The following MAN1C1 variants were observed in gnomAD, a reference collection of about 807,000 sequenced individuals.
MAN1C1 encodes the protein mannosyl-oligosaccharide 1,2-alpha-mannosidase IC.
MAN1C1 carries 49 observed loss-of-function variants against 71.5 expected under a neutral mutation model. That is an observed-to-expected ratio of 0.69 (90% CI 0.54 to 0.87). MAN1C1 has a LOEUF of 0.87. Ranked by LOEUF, MAN1C1 falls within the 40% of genes least tolerant of loss-of-function variation. MAN1C1 has a pLI of 0.00. For missense variants in MAN1C1, 743 were observed against 835.0 expected, an observed-to-expected ratio of 0.89 and a Z score of 1.36; for synonymous variants, 352 against 343.7, an observed-to-expected ratio of 1.02 and a Z score of -0.27.
At chr1:25,744,036 G>A (rs2047095530) in intron 2 of MAN1C1, among the ~76,000 whole-genome samples, 1 of 152,206 alleles carries the variant, frequency 6.6e-6, no homozygotes, top group Admixed American at 6.5e-5. Context: ...CCTCTCTGAG[G>A]TCTTCATCTA....
intron 2 of MAN1C1, among the ~76,000 whole-genome samples, chr1:25,719,185 G>C (rs1294339565): frequency 6.7e-6 from 1 of 149,580 alleles, no homozygotes; most frequent in Non-Finnish European, 1.5e-5. Flanking sequence ...TTATTCTCTT[G>C]CCTCAGCCTC....
At chr1:25,693,558 G>A (rs2786868) in intron 2 of MAN1C1, among the ~76,000 whole-genome samples, 2 of 152,196 alleles carry the variant, frequency 1.3e-5, no homozygotes, top group African/African-American at 4.8e-5. Context: ...TTGAACCTGG[G>A]AGGTGGAGAT....
chr1:25,739,179 G>A (rs147127689), intron 2 of MAN1C1, among the ~76,000 whole-genome samples: 56 of 152,208 alleles, frequency 3.7e-4, no homozygotes, highest in Non-Finnish European at 5.3e-4. Flanking sequence ...GCTTCATTCC[G>A]TTGGTCCAGA....
chr1:25,641,722 C>T (rs1271348451), intron 1 of MAN1C1, among the ~76,000 whole-genome samples: 1 of 152,114 alleles, frequency 6.6e-6, no homozygotes, highest in Non-Finnish European at 1.5e-5. Flanking sequence ...CTGTAGTTCC[C>T]TTTGACCCAC....
intron 2 of MAN1C1, among the ~76,000 whole-genome samples, chr1:25,727,890 C>T (rs1015222013): frequency 2.6e-5 from 4 of 152,230 alleles, no homozygotes; most frequent in South Asian, 2.1e-4. Flanking sequence ...AGCAGGAGAG[C>T]GTGGGGGCCG....
At chr1:25,651,744 G>A (rs1321197778) in intron 1 of MAN1C1, among the ~76,000 whole-genome samples, 2 of 152,158 alleles carry the variant, frequency 1.3e-5, no homozygotes, top group Non-Finnish European at 2.9e-5. Context: ...TATGACCTGA[G>A]GTTAAATGTC....
At chr1:25,642,147 G>A (rs2124760887) in intron 1 of MAN1C1, among the ~76,000 whole-genome samples, 1 of 152,246 alleles carries the variant, frequency 6.6e-6, no homozygotes, top group African/African-American at 2.4e-5. Flanking sequence ...TGCTTGTCCC[G>A]AAGTCGATTT....
At chr1:25,650,822 A>G (rs1348317572) in intron 1 of MAN1C1, among the ~76,000 whole-genome samples, 1 of 152,232 alleles carries the variant, frequency 6.6e-6, no homozygotes, top group Non-Finnish European at 1.5e-5. Flanking sequence ...AGGAGAATAA[A>G]GGAGACTTGG....
chr1:25,660,396 C>CCTTT lies in MAN1C1; in HGVS notation c.541-26044_541-26043insCTTT, dbSNP rs1389255801. 1.1e-3 allele frequency among the ~76,000 whole-genome samples: 112 copies of CCTTT among 97,630 alleles called. 1 individual carries two copies. Among genetic ancestry groups the CCTTT allele is most frequent in the African/African-American group, 5.3e-3 (109 of 20,706 alleles). 64.0% of individuals were successfully genotyped at this position (97,630 alleles called of 152,430 possible). Reference sequence around the variant, plus strand: ...AGCTTGGGCAACAAGAGTGAAATTCCTTTTTTTTTTTTTTTTTTTTTTTTT... The same window carrying CCTTT: ...AGCTTGGGCAACAAGAGTGAAATTCCCTTTTTTTTTTTTTTTTTTTTTTTTTTTT... On this transcript the variant is annotated intron_variant, in intron 1 of 11. Transcript: ENST00000374332.
At chr1:25,704,726 A>G (rs12083778) in intron 2 of MAN1C1, among the ~76,000 whole-genome samples, 4,126 of 152,280 alleles carry the variant, frequency 0.027, 194 homozygotes, top group African/African-American at 0.092. Context: ...TGTGCCCCCA[A>G]ATTTTCTCAT....
At chr1:25,694,105 G>A (rs997503051) in intron 2 of MAN1C1, among the ~76,000 whole-genome samples, 1 of 152,194 alleles carries the variant, frequency 6.6e-6, no homozygotes, top group Non-Finnish European at 1.5e-5. Flanking sequence ...CAGTCTCTGA[G>A]TGCCCTATTT....
rs1464382461 is a variant in MAN1C1, at chr1:25,746,814, G to A, written c.753+31G>A. The A allele has an allele frequency of 6.3e-6, 7 of 1,119,738 alleles. No homozygotes were observed. The highest frequency in any genetic ancestry group is 2.0e-5 in the Admixed American group (1 of 49,458). 69.4% of individuals were successfully genotyped at this position (1,119,738 alleles called of 1,614,324 possible). On this transcript the variant is annotated intron_variant, in intron 3 of 11. Coordinates refer to ENST00000374332, the MANE Select transcript of MAN1C1 (RefSeq NM_020379.4). The surrounding 1 kb of genome is among the most constrained non-coding windows in gnomAD (Gnocchi z 4.0). ...TCAGAGGCCCTCGGCGGGGGAGGGG[G>A]GCGGGGGCCAGAAGAGGCCCAACAG...
chr1:25,691,430 C>T (rs751023443), intron 2 of MAN1C1, among the ~76,000 whole-genome samples: 23 of 152,220 alleles, frequency 1.5e-4, no homozygotes, highest in South Asian at 1.2e-3. Flanking sequence ...CTCTGGGCCT[C>T]AGTTTTCCCA....
chr1:25,695,722 G>A (rs2046361363), intron 2 of MAN1C1, among the ~76,000 whole-genome samples: 1 of 152,224 alleles, frequency 6.6e-6, no homozygotes, highest in Non-Finnish European at 1.5e-5. Flanking sequence ...CACTAGCACA[G>A]AGCATAATTT....
intron 1 of MAN1C1, among the ~76,000 whole-genome samples, chr1:25,676,722 T>C (rs1034615538): frequency 6.6e-6 from 1 of 152,236 alleles, no homozygotes; most frequent in African/African-American, 2.4e-5. Flanking sequence ...CTTTAATGAC[T>C]GGGAAAATCC....
chr1:25,681,304 T>TG (rs1421687529), intron 1 of MAN1C1, among the ~76,000 whole-genome samples: 1 of 151,890 alleles, frequency 6.6e-6, no homozygotes, highest in Non-Finnish European at 1.5e-5. Flanking sequence ...AAACAGTGGA[T>TG]GGGGACAACC....
At chr1:25,726,149 G>A (rs1363727190) in intron 2 of MAN1C1, among the ~76,000 whole-genome samples, 2 of 152,184 alleles carry the variant, frequency 1.3e-5, no homozygotes, top group Admixed American at 6.5e-5. Context: ...GTGGTCTCTG[G>A]TTTGCTTGGA....
In MAN1C1 at chr1:25,660,396, CTTTTTTTTT is replaced by C. The variant is rs1178878513; in HGVS notation, c.541-26024_541-26016del. On this transcript the variant is annotated intron_variant, in intron 1 of 11. Transcript: ENST00000374332. ...AGCTTGGGCAACAAGAGTGAAATTC[CTTTTTTTTT>C]TTTTTTTTTTTTTTTTTTTGAGTGT... Among the ~76,000 whole-genome samples the C allele has an allele frequency of 3.5e-4, 34 of 97,630 alleles. 1 individual carries two copies. Among genetic ancestry groups the C allele is most frequent in the Non-Finnish European group, 4.3e-4 (22 of 51,330 alleles). The allele number at this position is 97,630 out of a possible 152,430, so 64.0% of individuals were successfully genotyped here. A position where few individuals can be genotyped will look rare whatever the true frequency, so the allele number is the denominator to read the frequency against.
Position 25,771,613 on chromosome 1 carries a change from G to A in MAN1C1, c.1142-44G>A, listed in dbSNP as rs201319350. On this transcript the variant is annotated intron_variant, in intron 7 of 11. Transcript: ENST00000374332. ...TGCGAGGCCCTGCCCCGTGAGAGCC[G>A]GCGGCAGATGGAGATAATGTTCTTG... The A allele has an allele frequency of 2.0e-4, 297 of 1,481,478 alleles. 1 individual carries two copies. The highest frequency in any genetic ancestry group is 2.6e-4 in the Non-Finnish European group (275 of 1,060,634). 91.8% of individuals were successfully genotyped at this position (1,481,478 alleles called of 1,614,324 possible). A position where few individuals can be genotyped will look rare whatever the true frequency, so the allele number is the denominator to read the frequency against.
Sources: gnomAD v4.1 joint callset for allele counts (sites outside exome capture counted in the v4.1 genomes callset) on GRCh38, gnomAD v4.1.1 for gene constraint, Gnocchi (gnomAD v3.1) non-coding constraint, MANE v1.5 for transcripts, NCBI Gene and HGNC (gene_info 2026-07-23, HGNC 2026-07-21) for gene names.